TMEM117: variants seen among roughly 807,000 people sequenced by gnomAD.
TMEM117 encodes the protein transmembrane protein 117.
A neutral mutation model predicts 52.4 loss-of-function variants in TMEM117; 27 were observed. The observed-to-expected ratio is 0.51, with a 90% CI of 0.38 to 0.71. The LOEUF (loss-of-function observed/expected upper bound fraction) is 0.71. TMEM117 is among the 30% of genes least tolerant of loss of function. The probability of loss-of-function intolerance (pLI) is 0.00; values close to 1 mark genes in which losing one functional copy is unlikely to be tolerated. For missense variants in TMEM117, 556 were observed against 630.5 expected (o/e 0.88, Z 1.26); for synonymous variants, 215 against 206.3 (o/e 1.04, Z -0.36).
At chr12:44,308,136 A>G (rs979802495) in intron 6 of TMEM117, among the ~76,000 whole-genome samples, 1 of 152,198 alleles carries the variant, frequency 6.6e-6, no homozygotes, top group Non-Finnish European at 1.5e-5. Flanking sequence ...GTTTTATCCC[A>G]ATTTAAAGTA....
chr12:44,223,130 A>T (rs1367139409), intron 5 of TMEM117, among the ~76,000 whole-genome samples: 1 of 151,200 alleles, frequency 6.6e-6, no homozygotes, highest in Non-Finnish European at 1.5e-5. Context: ...TTTGTTGTAC[A>T]GATTATTTCA....
chr12:44,017,631 T>C (rs1373103482), intron 3 of TMEM117, among the ~76,000 whole-genome samples: 1 of 152,164 alleles, frequency 6.6e-6, no homozygotes, highest in Non-Finnish European at 1.5e-5. Context: ...GAACAAAATA[T>C]ATCCAGCTGA....
chr12:44,262,811 T>G (rs1215535606), intron 5 of TMEM117, among the ~76,000 whole-genome samples: 1 of 152,176 alleles, frequency 6.6e-6, no homozygotes, highest in Non-Finnish European at 1.5e-5. Context: ...ATGGTCTCCA[T>G]CTCCTGACTT....
At chr12:44,339,455 A>G (rs1337986108) in intron 6 of TMEM117, among the ~76,000 whole-genome samples, 1 of 152,108 alleles carries the variant, frequency 6.6e-6, no homozygotes. Flanking sequence ...GATATAAAGC[A>G]GGAAGCAAGA....
chr12:44,332,878 A>AT (rs1429512035), intron 6 of TMEM117, among the ~76,000 whole-genome samples: 1 of 152,030 alleles, frequency 6.6e-6, no homozygotes, highest in East Asian at 1.9e-4. Flanking sequence ...GCTTTAATTA[A>AT]TATAAAGGAT....
At chr12:44,011,413 G>A (rs564016041) in intron 3 of TMEM117, among the ~76,000 whole-genome samples, 2 of 152,238 alleles carry the variant, frequency 1.3e-5, no homozygotes, top group South Asian at 4.1e-4. Context: ...TGCTGCTCCT[G>A]TGATAGTGAA....
At chr12:44,137,096 CAAA>C (rs201028902) in intron 3 of TMEM117, among the ~76,000 whole-genome samples, 5 of 98,420 alleles carry the variant, frequency 5.1e-5, no homozygotes, top group Non-Finnish European at 4.6e-5. Context: ...TTTCATTTGC[CAAA>C]AAAAAAAAAA....
At chr12:44,344,199 C>T (rs1336711905) in intron 6 of TMEM117, among the ~76,000 whole-genome samples, 25 of 152,090 alleles carry the variant, frequency 1.6e-4, no homozygotes, top group Non-Finnish European at 2.9e-5. Flanking sequence ...GAAAAGCAAA[C>T]ATCTGCTGCT....
intron 3 of TMEM117, among the ~76,000 whole-genome samples, chr12:43,997,817 A>G (rs546790967): frequency 1.3e-5 from 2 of 152,198 alleles, no homozygotes; most frequent in African/African-American, 4.8e-5. Context: ...GGTTCTCTCC[A>G]TTTTGTATAT....
chr12:43,949,463 G>A (rs1945186264), intron 3 of TMEM117, among the ~76,000 whole-genome samples: 1 of 152,114 alleles, frequency 6.6e-6, no homozygotes, highest in South Asian at 2.1e-4. Flanking sequence ...CTCATTCAAG[G>A]CATTTTTCCC....
intron 5 of TMEM117, among the ~76,000 whole-genome samples, chr12:44,219,320 G>T (rs777587662): frequency 6.6e-6 from 1 of 152,116 alleles, no homozygotes; most frequent in Non-Finnish European, 1.5e-5. Flanking sequence ...TTGTTTGTAT[G>T]AAAGAGTCAA....
chr12:44,141,567 C>T (rs1353202943), intron 3 of TMEM117, among the ~76,000 whole-genome samples: 1 of 151,974 alleles, frequency 6.6e-6, no homozygotes, highest in Non-Finnish European at 1.5e-5. Flanking sequence ...AGGGAATATA[C>T]CCTAAAATTT....
chr12:43,808,935 T>A, the TMEM117 span, among the ~76,000 whole-genome samples: 1 of 152,052 alleles, frequency 6.6e-6, no homozygotes, highest in Non-Finnish European at 1.5e-5. Context: ...TGTCGGAAAC[T>A]GGGATTTTAT....
chr12:43,881,888 C>T (rs1943902671), intron 2 of TMEM117, among the ~76,000 whole-genome samples: 1 of 148,806 alleles, frequency 6.7e-6, no homozygotes, highest in Admixed American at 6.8e-5. Flanking sequence ...CTGGCTAACA[C>T]AGTGAAACCC....
intron 6 of TMEM117, among the ~76,000 whole-genome samples, chr12:44,305,249 A>G (rs1950889968): frequency 3.0e-5 from 1 of 33,378 alleles, no homozygotes; most frequent in African/African-American, 1.3e-4. Flanking sequence ...GCTTTGGCAA[A>G]GAATTTATGA....
intron 3 of TMEM117, among the ~76,000 whole-genome samples, chr12:44,127,833 C>T (rs1458772485): frequency 6.6e-6 from 1 of 152,132 alleles, no homozygotes; most frequent in African/African-American, 2.4e-5. Context: ...TAAGAAATTC[C>T]AGCCTGGTTG....
chr12:43,882,067 G>A (rs573762573), intron 2 of TMEM117, among the ~76,000 whole-genome samples: 21 of 151,642 alleles, frequency 1.4e-4, no homozygotes, highest in Admixed American at 7.2e-4. Flanking sequence ...GCAAGACTCC[G>A]TCTCAAAAAA....
intron 5 of TMEM117, among the ~76,000 whole-genome samples, chr12:44,271,329 T>G (rs1165942191): frequency 6.6e-6 from 1 of 152,092 alleles, no homozygotes; most frequent in Non-Finnish European, 1.5e-5. Context: ...CCTTCTTCAT[T>G]TCATAGATTA....
At chr12:43,861,443 T>C (rs1312974202) in intron 2 of TMEM117, among the ~76,000 whole-genome samples, 1 of 152,200 alleles carries the variant, frequency 6.6e-6, no homozygotes, top group Non-Finnish European at 1.5e-5. Flanking sequence ...CCTGCTTCTA[T>C]TTAGAGCTTA....
Sources: gnomAD v4.1 joint callset for allele counts (sites outside exome capture counted in the v4.1 genomes callset) on GRCh38, gnomAD v4.1.1 for gene constraint, MANE v1.5 for transcripts, NCBI Gene and HGNC (gene_info 2026-07-23, HGNC 2026-07-21) for gene names.